Variants in KCNE5 observed in about 807,000 individuals in gnomAD.
KCNE5 encodes potassium voltage-gated channel subfamily E regulatory subunit 5, also known as potassium voltage-gated channel subfamily E regulatory beta subunit 5.
For missense variants in KCNE5, 131 were observed against 132.9 expected (o/e 0.99, Z 0.07); for synonymous variants, 65 against 62.3 (o/e 1.04, Z -0.20).
rs1934270544 is a variant in KCNE5, at chrX:109,624,976, G to C, written c.45C>G (p.Arg15=). 8.3e-7 allele frequency: 1 copy of C among 1,207,983 alleles called. No homozygotes were observed. The highest frequency in any genetic ancestry group is 1.1e-6 in the Non-Finnish European group (1 of 893,941). ...CCCGGTGGTGCAGCTCGAGCAACAGGCGGCTCAGAAGGGTTCGCAGCCGCT... is the reference window on the plus strand; with the variant it reads ...CCCGGTGGTGCAGCTCGAGCAACAGCCGGCTCAGAAGGGTTCGCAGCCGCT... The part of the protein sequence containing the change: ...ESQRLRTLLS[R]LLLELHHRGN... Residue 15 remains arginine, a synonymous_variant, in exon 1 of 1, where the codon CGC becomes CGG. Transcript: ENST00000372101.
Position 109,624,068 on chromosome X carries a change from G to A in KCNE5, c.*524C>T, listed in dbSNP as rs757290270. 8.9e-6 allele frequency: 1 copy of A among 112,986 alleles called. No homozygotes were observed. Among genetic ancestry groups the A allele is most frequent in the East Asian group, 2.8e-4 (1 of 3,573 alleles). 9.3% of individuals were successfully genotyped at this position (112,986 alleles called of 1,213,427 possible). A position where few individuals can be genotyped will look rare whatever the true frequency, so the allele number is the denominator to read the frequency against. ...CCTGCTAGCTCCCTGCTGAAAGAGA[G>A]AGGGAGGGAAAAGATGTCTGAGGTC... On this transcript the variant is annotated 3_prime_UTR_variant, in exon 1 of 1. Coordinates refer to ENST00000372101, the MANE Select transcript of KCNE5 (RefSeq NM_012282.4).
chrX:109,624,759 C>A lies in KCNE5; in HGVS notation c.262G>T (p.Val88Phe), dbSNP rs145491359. 8.3e-7 allele frequency: 1 copy of A among 1,211,627 alleles called. No homozygotes were observed. The highest frequency in any genetic ancestry group is 1.1e-6 in the Non-Finnish European group (1 of 895,266). The part of the protein sequence containing the change: ...ILAYTRSRKL[V>F]EAKDEPSQAC... ...TGGGACGGCTCGTCCTTGGCCTCGA[C>A]GAGCTTACGGGAGCGGGTGTAGGCC... Residue 88 changes from valine to phenylalanine, a missense_variant, in exon 1 of 1, where the codon GTC becomes TTC. By Grantham distance (50) the Val-to-Phe change is conservative. Coordinates refer to ENST00000372101, the MANE Select transcript of KCNE5 (RefSeq NM_012282.4).
rs16985808 is a variant in KCNE5, at chrX:109,624,145, G to A, written c.*447C>T. ...AAGGCAACTGGAAGCTGGAGCTGCT[G>A]CAGTCGGCCTGGCAAGCCCGTTGGC... On this transcript the variant is annotated 3_prime_UTR_variant, in exon 1 of 1. Coordinates refer to ENST00000372101, the MANE Select transcript of KCNE5 (RefSeq NM_012282.4). The A allele has an allele frequency of 0.034, 4,127 of 122,635 alleles. 184 individuals carry two copies. The highest frequency in any genetic ancestry group is 0.12 in the African/African-American group (3,897 of 31,315). The allele number at this position is 122,635 out of a possible 1,213,427, so 10.1% of individuals were successfully genotyped here.
Position 109,624,906 on chromosome X carries a change from T to A in KCNE5, c.115A>T (p.Met39Leu). The change falls in exon 1 of 1, where the codon ATG becomes TTG. Residue 39 changes from methionine to leucine, a missense_variant. Physicochemically the swap from Met to Leu is conservative, Grantham distance 15. Transcript: ENST00000372101. ...ACGAAAGGGTCAGGCACGACCCCCATGCCCATGCTGGGACGAGGGCCAGCG... is the reference window on the plus strand; with the variant it reads ...ACGAAAGGGTCAGGCACGACCCCCAAGCCCATGCTGGGACGAGGGCCAGCG... ...LGAGPRPSMG[M>L]GVVPDPFVGR... 8.3e-7 allele frequency: 1 copy of A among 1,209,833 alleles called. No individual in the cohort carries two copies. The highest frequency in any genetic ancestry group is 1.1e-6 in the Non-Finnish European group (1 of 895,070).
In KCNE5 at chrX:109,624,744, C is replaced by T; in HGVS notation, c.277G>A (p.Glu93Lys). 8.3e-7 allele frequency: 1 copy of T among 1,210,394 alleles called. No individual in the cohort carries two copies. The highest frequency in any genetic ancestry group is 1.1e-6 in the Non-Finnish European group (1 of 894,745). Residue 93 changes from glutamate to lysine, a missense_variant, in exon 1 of 1, where the codon GAG (glutamate) becomes AAG (lysine). Coordinates refer to ENST00000372101, the MANE Select transcript of KCNE5 (RefSeq NM_012282.4). ...TGCTCGGCGCAAGCCTGGGACGGCT[C>T]GTCCTTGGCCTCGACGAGCTTACGG... ...RSRKLVEAKD[E>K]PSQACAEHEW...
At position 109,625,120 on chromosome X, in the gene KCNE5, T is replaced by A. The variant is rs1382113469; in HGVS notation, c.-100A>T. The A allele has an allele frequency of 1.0e-6, 1 of 970,796 alleles. No homozygotes were observed. Among genetic ancestry groups the A allele is most frequent in the African/African-American group, 1.9e-5 (1 of 52,354 alleles). The allele number at this position is 970,796 out of a possible 1,213,427, so 80.0% of individuals were successfully genotyped here. A position where few individuals can be genotyped will look rare whatever the true frequency, so the allele number is the denominator to read the frequency against. On this transcript the variant is annotated 5_prime_UTR_variant, in exon 1 of 1. Transcript: ENST00000372101. Reference sequence around the variant, plus strand: ...GAGCGGGCCGGCCGGCGGGCAGGGCTCAGCAGCGGAAACAGCGGTAGCACC... The same window carrying A: ...GAGCGGGCCGGCCGGCGGGCAGGGCACAGCAGCGGAAACAGCGGTAGCACC...
Position 109,624,410 on chromosome X carries a change from C to G in KCNE5, c.*182G>C. The stretch of plus-strand genomic sequence containing the variant: ...AGGGGTGAAGAGGGAGAAACTGGCC[C>G]GAATGGGTAAGGTGGTGCTTCTCCT... On this transcript the variant is annotated 3_prime_UTR_variant, in exon 1 of 1. Coordinates refer to ENST00000372101, the MANE Select transcript of KCNE5 (RefSeq NM_012282.4). The G allele has an allele frequency of 2.4e-6, 1 of 409,801 alleles. No homozygotes were observed. The highest frequency in any genetic ancestry group is 4.0e-6 in the Non-Finnish European group (1 of 250,188). 33.8% of individuals were successfully genotyped at this position (409,801 alleles called of 1,213,427 possible). A position where few individuals can be genotyped will look rare whatever the true frequency, so the allele number is the denominator to read the frequency against.
chrX:109,624,775 G>A lies in KCNE5; in HGVS notation c.246C>T (p.Thr82=). The change falls in exon 1 of 1, where the codon ACC becomes ACT. Residue 82 remains threonine (T), a synonymous_variant. Coordinates refer to ENST00000372101, the MANE Select transcript of KCNE5 (RefSeq NM_012282.4). ...TGGCCTCGACGAGCTTACGGGAGCGGGTGTAGGCCAGGATGAGGCCTCCGG... is the reference window on the plus strand; with the variant it reads ...TGGCCTCGACGAGCTTACGGGAGCGAGTGTAGGCCAGGATGAGGCCTCCGG... The part of the protein sequence containing the change: ...CLAGGLILAY[T]RSRKLVEAKD... 1 of 1,212,196 alleles carries A rather than the reference G, an allele frequency of 8.2e-7. No homozygotes were observed. Among genetic ancestry groups the A allele is most frequent in the Admixed American group, 2.2e-5 (1 of 46,174 alleles).
rs1934255583 is a variant in KCNE5, at chrX:109,624,363, T to A, written c.*229A>T. 2.8e-6 allele frequency: 1 copy of A among 361,419 alleles called. No homozygotes were observed. 29.8% of individuals were successfully genotyped at this position (361,419 alleles called of 1,213,427 possible). ...AGAGGCAGTTTAGTGCAGTTGGATG[T>A]GCGGGGTAGGGGTGGAGGCGCAGGG... On this transcript the variant is annotated 3_prime_UTR_variant, in exon 1 of 1. Transcript: ENST00000372101.
chrX:109,624,699 C>T lies in KCNE5; in HGVS notation c.322G>A (p.Ala108Thr), dbSNP rs1934262412. ...CAEHEWAPGG[A>T]LTADAEAAAG... ...GCAGCCTCGGCGTCGGCGGTCAGGGCGCCTCCCGGGGCCCATTCGTGCTCG... is the reference window on the plus strand; with the variant it reads ...GCAGCCTCGGCGTCGGCGGTCAGGGTGCCTCCCGGGGCCCATTCGTGCTCG... Residue 108 changes from alanine (A) to threonine (T), a missense_variant, in exon 1 of 1, where the codon GCC (alanine) becomes ACC (threonine). Physicochemically the swap from Ala to Thr is moderately conservative, Grantham distance 58 (BLOSUM62 0). Coordinates refer to ENST00000372101, the MANE Select transcript of KCNE5 (RefSeq NM_012282.4). 4 of 1,193,178 alleles carry T rather than the reference C, an allele frequency of 3.4e-6. No individual in the cohort carries two copies. The highest frequency in any genetic ancestry group is 4.6e-5 in the Admixed American group (2 of 43,551).
chrX:109,624,890 T>C lies in KCNE5; in HGVS notation c.131A>G (p.Asp44Gly). 1 of 1,210,734 alleles carries C rather than the reference T, an allele frequency of 8.3e-7. No homozygotes were observed. Residue 44 changes from aspartate (D) to glycine (G), a missense_variant, in exon 1 of 1, where the codon GAC becomes GGC. Asp to Gly is a moderately conservative substitution (Grantham distance 94). Coordinates refer to ENST00000372101, the MANE Select transcript of KCNE5 (RefSeq NM_012282.4). ...RPSMGMGVVP[D>G]PFVGREVTSA... ...GGTCACCTCGCGGCCCACGAAAGGG[T>C]CAGGCACGACCCCCATGCCCATGCT...
At position 109,624,907 on chromosome X, in the gene KCNE5, G is replaced by A; in HGVS notation, c.114C>T (p.Gly38=). 5 of 1,209,475 alleles carry A rather than the reference G, an allele frequency of 4.1e-6. No individual in the cohort carries two copies. The highest frequency in any genetic ancestry group is 5.6e-6 in the Non-Finnish European group (5 of 895,098). The change falls in exon 1 of 1, where the codon GGC becomes GGT. Residue 38 remains glycine, a synonymous_variant. Transcript: ENST00000372101. ...GLGAGPRPSM[G]MGVVPDPFVG... Reference sequence around the variant, plus strand: ...CGAAAGGGTCAGGCACGACCCCCATGCCCATGCTGGGACGAGGGCCAGCGC... The same window carrying A: ...CGAAAGGGTCAGGCACGACCCCCATACCCATGCTGGGACGAGGGCCAGCGC...
Position 109,624,955 on chromosome X carries a change from G to A in KCNE5, c.66C>T (p.His22=), listed in dbSNP as rs1454827714. 1.5e-5 allele frequency: 18 copies of A among 1,211,101 alleles called. No homozygotes were observed. In the East Asian group the frequency reaches 5.0e-4, roughly 34 times the overall value. ...CGCCCAAGCCGCTGGCATTACCCCGGTGGTGCAGCTCGAGCAACAGGCGGC... is the reference window on the plus strand; with the variant it reads ...CGCCCAAGCCGCTGGCATTACCCCGATGGTGCAGCTCGAGCAACAGGCGGC... ...LLSRLLLELH[H]RGNASGLGAG... is the part of the protein sequence containing the mutation. The change falls in exon 1 of 1, where the codon CAC becomes CAT. Residue 22 remains histidine, a synonymous_variant. Coordinates refer to ENST00000372101, the MANE Select transcript of KCNE5 (RefSeq NM_012282.4).
Position 109,624,442 on chromosome X carries a change from G to T in KCNE5, c.*150C>A, listed in dbSNP as rs902989841. ...GTAAGGTGGTGCTTCTCCTTCCAGG[G>T]CCTTCCAGACAAGGTCTCCTGGCCT... On this transcript the variant is annotated 3_prime_UTR_variant, in exon 1 of 1. Transcript: ENST00000372101. 2 of 504,456 alleles carry T rather than the reference G, an allele frequency of 4.0e-6. No homozygotes were observed. Among genetic ancestry groups the T allele is most frequent in the Admixed American group, 1.0e-4 (2 of 19,796 alleles). The allele number at this position is 504,456 out of a possible 1,213,427, so 41.6% of individuals were successfully genotyped here. A position where few individuals can be genotyped will look rare whatever the true frequency, so the allele number is the denominator to read the frequency against.
Position 109,624,940 on chromosome X carries a change from G to A in KCNE5, c.81C>T (p.Ser27=), listed in dbSNP as rs1424480712. 1 of 1,210,111 alleles carries A rather than the reference G, an allele frequency of 8.3e-7. No individual in the cohort carries two copies. The highest frequency in any genetic ancestry group is 1.1e-6 in the Non-Finnish European group (1 of 894,868). ...LLELHHRGNA[S]GLGAGPRPSM... ...TGGGACGAGGGCCAGCGCCCAAGCCGCTGGCATTACCCCGGTGGTGCAGCT... is the reference window on the plus strand; with the variant it reads ...TGGGACGAGGGCCAGCGCCCAAGCCACTGGCATTACCCCGGTGGTGCAGCT... The change falls in exon 1 of 1, where the codon AGC becomes AGT. Residue 27 remains serine, a synonymous_variant. Coordinates refer to ENST00000372101, the MANE Select transcript of KCNE5 (RefSeq NM_012282.4).
In KCNE5 at chrX:109,623,760, G is replaced by T. The variant is rs1262799717; in HGVS notation, c.*832C>A. 1 of 111,873 alleles carries T rather than the reference G, an allele frequency of 8.9e-6. No homozygotes were observed. The highest frequency in any genetic ancestry group is 1.9e-5 in the Non-Finnish European group (1 of 53,176). 9.2% of individuals were successfully genotyped at this position (111,873 alleles called of 1,213,427 possible). A position where few individuals can be genotyped will look rare whatever the true frequency, so the allele number is the denominator to read the frequency against. On this transcript the variant is annotated 3_prime_UTR_variant, in exon 1 of 1. Coordinates refer to ENST00000372101, the MANE Select transcript of KCNE5 (RefSeq NM_012282.4). Reference sequence around the variant, plus strand: ...CATTCCCCAGGGTTACAGAGCAGGGGGCATCTGAGCCTCAAGTTCCACGGA... The same window carrying T: ...CATTCCCCAGGGTTACAGAGCAGGGTGCATCTGAGCCTCAAGTTCCACGGA...
In KCNE5 at chrX:109,623,710, A is replaced by C. The variant is rs1024132121; in HGVS notation, c.*882T>G. 1.4e-4 allele frequency: 16 copies of C among 112,175 alleles called. No homozygotes were observed. Among genetic ancestry groups the C allele is most frequent in the African/African-American group, 5.2e-4 (16 of 30,809 alleles). 9.2% of individuals were successfully genotyped at this position (112,175 alleles called of 1,213,427 possible). On this transcript the variant is annotated 3_prime_UTR_variant, in exon 1 of 1. Transcript: ENST00000372101. ...GAGAAGAGTCTTGCGTTATTGTTTA[A>C]ACAACCTTTATTACCTGCCTCTGAC...
rs374389286 is a variant in KCNE5, at chrX:109,624,966, C to A, written c.55G>T (p.Glu19Ter). Residue 19 changes from glutamate to a stop codon, truncating the protein, a stop_gained, in exon 1 of 1, where the codon GAG (glutamate) becomes TAG (stop). Transcript: ENST00000372101. LOFTEE classifies it high-confidence loss of function. ...LRTLLSRLLL[E>*]LHHRGNASGL... ...CTGGCATTACCCCGGTGGTGCAGCT[C>A]GAGCAACAGGCGGCTCAGAAGGGTT... The A allele has an allele frequency of 3.8e-4, 465 of 1,208,817 alleles. No homozygotes were observed. Among genetic ancestry groups the A allele is most frequent in the Non-Finnish European group, 4.9e-4 (442 of 894,327 alleles).
Position 109,624,181 on chromosome X carries a change from G to T in KCNE5, c.*411C>A. The T allele has an allele frequency of 7.4e-6, 1 of 134,344 alleles. No homozygotes were observed. The highest frequency in any genetic ancestry group is 1.5e-5 in the Non-Finnish European group (1 of 67,851). 11.1% of individuals were successfully genotyped at this position (134,344 alleles called of 1,213,427 possible). ...GGCAAGCCCGTTGGCTCTGCAGAGT[G>T]AGCAGTCCCTGGCAGCCCCTGGAGC... On this transcript the variant is annotated 3_prime_UTR_variant, in exon 1 of 1. Transcript: ENST00000372101.
Sources: gnomAD v4.1 joint callset for allele counts on GRCh38, gnomAD v4.1.1 for gene constraint, MANE v1.5 for transcripts, NCBI Gene and HGNC (gene_info 2026-07-23, HGNC 2026-07-21) for gene names.